Variants in LZTFL1 observed in about 807,000 individuals in gnomAD.
LZTFL1 encodes the protein leucine zipper transcription factor-like protein 1.
LZTFL1 carries 25 observed loss-of-function variants against 45.9 expected under a neutral mutation model. That is an observed-to-expected ratio of 0.54 (90% confidence interval 0.40 to 0.76). The LOEUF (loss-of-function observed/expected upper bound fraction) is 0.76. Ranked by LOEUF, LZTFL1 falls within the 30% of genes least tolerant of loss-of-function variation. LZTFL1 has a pLI of 0.00. For synonymous variants in LZTFL1, 93 were observed against 117.4 expected, an observed-to-expected ratio of 0.79 and a Z score of 1.35; for missense variants, 277 against 331.1, an observed-to-expected ratio of 0.84 and a Z score of 1.27.
chr3:45,897,762 C>A, intron 2 of LZTFL1: 1 of 606,936 alleles, frequency 1.6e-6, no homozygotes, highest in Non-Finnish European at 2.9e-6. Context: ...TTGCCTTCTT[C>A]TTTCTTCCTT....
chr3:45,908,080 T>C (rs1402882901), intron 2 of LZTFL1, among the ~76,000 whole-genome samples: 1 of 151,832 alleles, frequency 6.6e-6, no homozygotes, highest in Non-Finnish European at 1.5e-5. Flanking sequence ...AACAGTTTCT[T>C]TGATGCTCCT....
intron 9 of LZTFL1, 161 bp downstream of exon 9, chr3:45,827,195 G>A (rs1183798325): frequency 3.2e-6 from 2 of 629,508 alleles, no homozygotes; most frequent in South Asian, 1.9e-5. Context: ...TTATAGATAA[G>A]GTCAGGCCAG....
intron 2 of LZTFL1, among the ~76,000 whole-genome samples, chr3:45,903,714 A>G (rs1018427568): frequency 2.6e-5 from 4 of 152,186 alleles, no homozygotes; most frequent in African/African-American, 9.6e-5. Flanking sequence ...TTGCTACCCC[A>G]TCAACATGCT....
rs190746996 is a variant in LZTFL1, at chr3:45,826,638, G to A, written c.882-306C>T. The stretch of plus-strand genomic sequence containing the variant: ...GTTGATACGACTATATGAGTAAAGG[G>A]CTAGCAAATCTACTTCTCTAAGGAC... On this transcript the variant is annotated intron_variant, in intron 9 of 9. Transcript: ENST00000296135. Among the ~76,000 whole-genome samples the A allele has an allele frequency of 2.0e-5, 3 of 152,318 alleles. No individual in the cohort carries two copies. In the East Asian group the frequency reaches 5.8e-4, roughly 29 times the overall value.
chr3:45,869,589 C>T (rs1175899871), intron 2 of LZTFL1, among the ~76,000 whole-genome samples: 3 of 152,084 alleles, frequency 2.0e-5, no homozygotes, highest in Non-Finnish European at 4.4e-5. Context: ...ACAACGCAGC[C>T]AACTCTGAGC....
intron 2 of LZTFL1, among the ~76,000 whole-genome samples, chr3:45,880,718 C>T (rs1208931489): frequency 3.3e-5 from 5 of 152,120 alleles, no homozygotes; most frequent in African/African-American, 9.7e-5. Flanking sequence ...CAACTGTTCC[C>T]TCTGCTGATA....
rs58937842 is a variant in LZTFL1, at chr3:45,867,147, C to CAAA, written c.-214-8134_-214-8132dup. On this transcript the variant is annotated intron_variant, in intron 2 of 4. Coordinates refer to the LZTFL1 transcript ENST00000472635. The stretch of plus-strand genomic sequence containing the variant: ...TGGGTGACAGAGCAAGACTCAATCT[C>CAAA]AAAAAAAAAAAAAAAAAAAAAAAAC... 3.6e-3 allele frequency among the ~76,000 whole-genome samples: 224 copies of CAAA among 63,014 alleles called. 6 individuals carry two copies. The highest frequency in any genetic ancestry group is 9.1e-3 in the Middle Eastern group (1 of 110). 41.3% of individuals were successfully genotyped at this position (63,014 alleles called of 152,430 possible). A position where few individuals can be genotyped will look rare whatever the true frequency, so the allele number is the denominator to read the frequency against.
At chr3:45,881,611 T>G (rs1399201484) in intron 2 of LZTFL1, among the ~76,000 whole-genome samples, 5 of 152,196 alleles carry the variant, frequency 3.3e-5, no homozygotes, top group Non-Finnish European at 5.9e-5. Flanking sequence ...CTCATTCCTG[T>G]CCTTTAAGGG....
At chr3:45,850,806 G>A (rs558805110) in intron 4 of LZTFL1, among the ~76,000 whole-genome samples, 20 of 152,222 alleles carry the variant, frequency 1.3e-4, no homozygotes, top group Admixed American at 1.3e-3. Flanking sequence ...AGTGAAGCCA[G>A]CCGCTCAACC....
chr3:45,823,519 C>A lies in LZTFL1; in HGVS notation c.*2795G>T, dbSNP rs562934388. ...CAATCCAAAAGACACCACAGTCCCC[C>A]ACAAAAGCCTCCAAACCAGTTGTCA... On this transcript the variant is annotated 3_prime_UTR_variant, in exon 10 of 10. Transcript: ENST00000296135. 1.5e-4 allele frequency: 23 copies of A among 152,292 alleles called. No individual in the cohort carries two copies. The allele number at this position is 152,292 out of a possible 1,614,324, so 9.4% of individuals were successfully genotyped here. A position where few individuals can be genotyped will look rare whatever the true frequency, so the allele number is the denominator to read the frequency against.
rs762905223 is a variant in LZTFL1 at position 45,835,703 on chromosome 3, T to A, written c.210A>T (p.Glu70Asp). Reference protein sequence around the residue: ...GLQAVVHSEVESELINTAYTN... With the variant: ...GLQAVVHSEVDSELINTAYTN... ...TATAGGCAGTGTTGATGAGCTCAGA[T>A]TCCACCTCACTATGAACCACAGCTT... Residue 70 changes from glutamate (E) to aspartate (D), a missense_variant, in exon 3 of 10, where the codon GAA (glutamate) becomes GAT (aspartate). Coordinates refer to ENST00000296135, the MANE Select transcript of LZTFL1 (RefSeq NM_020347.4). 6.2e-7 allele frequency: 1 copy of A among 1,614,168 alleles called. No individual in the cohort carries two copies. Among genetic ancestry groups the A allele is most frequent in the South Asian group, 1.1e-5 (1 of 91,082 alleles).
chr3:45,847,841 AT>A (rs1277120797), intron 4 of LZTFL1, among the ~76,000 whole-genome samples: 2 of 152,224 alleles, frequency 1.3e-5, no homozygotes, highest in Non-Finnish European at 2.9e-5. Flanking sequence ...TTCTTTATGA[AT>A]AAATGTCCTT....
Position 45,904,014 on chromosome 3 carries a change from T to C in LZTFL1, c.-215+9106A>G, listed in dbSNP as rs367744146. 1.8e-4 allele frequency among the ~76,000 whole-genome samples: 28 copies of C among 152,332 alleles called. 1 individual carries two copies. The East Asian group carries it at 5.0e-3, about 27-fold the overall frequency. On this transcript the variant is annotated intron_variant, in intron 2 of 4. Coordinates refer to the LZTFL1 transcript ENST00000472635. The stretch of plus-strand genomic sequence containing the variant: ...TTATTTTTAGATACTGCGGTTCTGA[T>C]GCTCTGTCATGGGAGTCCCAGTGGT...
chr3:45,876,945 T>C (rs1009727600), intron 2 of LZTFL1, among the ~76,000 whole-genome samples: 1 of 151,990 alleles, frequency 6.6e-6, no homozygotes. Flanking sequence ...TCCTCCGGGC[T>C]CTCTTCAAAG....
intron 3 of LZTFL1, 158 bp from the exon 4 acceptor site, chr3:45,834,456 T>C (rs1700912957): frequency 1.9e-6 from 1 of 520,578 alleles, no homozygotes; most frequent in East Asian, 3.0e-5. Flanking sequence ...TTGCAAATGG[T>C]TGAGAACCTA....
In LZTFL1 at chr3:45,901,524, A is replaced by C; in HGVS notation, c.-215+11596T>G. ...CATTCACACCCTGATACAAGCCAAG[A>C]AGTCTTCCAAGCACAAAGCCCTAAA... On this transcript the variant is annotated intron_variant, in intron 2 of 4. Transcript: ENST00000472635. The surrounding 1 kb of genome is among the most constrained non-coding windows in gnomAD (Gnocchi z 4.3). 6.2e-7 allele frequency: 1 copy of C among 1,614,126 alleles called. No homozygotes were observed. The highest frequency in any genetic ancestry group is 8.5e-7 in the Non-Finnish European group (1 of 1,180,018).
chr3:45,842,149 C>A, upstream of LZTFL1: 2 of 1,507,280 alleles, frequency 1.3e-6, no homozygotes, highest in South Asian at 1.3e-5. Context: ...GGCACGTGGA[C>A]TGCAATTATG....
intron 2 of LZTFL1, among the ~76,000 whole-genome samples, chr3:45,909,667 G>C (rs576378424): frequency 6.6e-6 from 1 of 152,196 alleles, no homozygotes; most frequent in Non-Finnish European, 1.5e-5. Context: ...TGTGTGGTTA[G>C]GCCACCACTC....
intron 2 of LZTFL1, among the ~76,000 whole-genome samples, chr3:45,875,460 A>G (rs771764176): frequency 3.3e-5 from 5 of 150,000 alleles, no homozygotes; most frequent in Admixed American, 2.0e-4. Context: ...CTTACTAGCT[A>G]TATGACCTTG....
Sources: allele counts gnomAD v4.1 joint callset (sites outside exome capture counted in the v4.1 genomes callset), GRCh38; gene constraint gnomAD v4.1.1; non-coding constraint Gnocchi (gnomAD v3.1); transcripts MANE v1.5; gene names NCBI Gene and HGNC (gene_info 2026-07-23, HGNC 2026-07-21).